Variants in XRCC1 observed in about 807,000 individuals in gnomAD.
XRCC1 encodes DNA repair protein XRCC1.
Under a neutral mutation model 83.3 loss-of-function variants are expected in XRCC1, and 52 were observed. The observed-to-expected ratio is 0.62, with a 90% CI of 0.50 to 0.79. XRCC1 has a LOEUF of 0.79. XRCC1 is among the 30% of genes least tolerant of loss of function. The pLI is 0.00. For synonymous variants in XRCC1, 281 were observed against 312.6 expected, an observed-to-expected ratio of 0.90 and a Z score of 1.07; for missense variants, 793 against 823.5, an observed-to-expected ratio of 0.96 and a Z score of 0.45.
intron 6 of XRCC1, 54 bp from the exon 7 acceptor site, chr19:43,553,145 T>C: frequency 6.6e-7 from 1 of 1,506,146 alleles, no homozygotes; most frequent in South Asian, 1.2e-5. Flanking sequence ...CAAGACCCTT[T>C]CACTCCTATC....
chr19:43,546,041 C>CCCAG lies in XRCC1; in HGVS notation c.1481+7_1481+10dup. 1.9e-6 allele frequency: 3 copies of CCCAG among 1,613,916 alleles called. No homozygotes were observed. Among genetic ancestry groups the CCCAG allele is most frequent in the Non-Finnish European group, 2.5e-6 (3 of 1,179,884 alleles). On this transcript the variant is annotated intron_variant, in intron 13 of 16. Transcript: ENST00000262887. ...GGCCAGGGACACCCCAACCCCCAGC[C>CCCAG]CCAGCCCTACCTCCTCAGCTCATCC...
intron 10 of XRCC1, among the ~76,000 whole-genome samples, chr19:43,548,784 A>AAAAAAC (rs752610644): frequency 1.4e-5 from 2 of 142,184 alleles, no homozygotes; most frequent in African/African-American, 2.7e-5. Context: ...AAAAAAAAAA[A>AAAAAAC]AACACAACAG....
Position 43,570,321 on chromosome 19 carries a change from T to C in XRCC1, c.144+4589A>G, listed in dbSNP as rs373248041. 1.1e-4 allele frequency among the ~76,000 whole-genome samples: 17 copies of C among 152,274 alleles called. No individual in the cohort carries two copies. In the East Asian group the frequency reaches 1.4e-3, roughly 12 times the overall value. ...AGCCCAGGAGTAGTTAGCAAAGAGGTTGGCATTTCCCTCTGGGAGCAGGTG... is the reference window on the plus strand; with the variant it reads ...AGCCCAGGAGTAGTTAGCAAAGAGGCTGGCATTTCCCTCTGGGAGCAGGTG... On this transcript the variant is annotated intron_variant, in intron 2 of 16. Coordinates refer to ENST00000262887, the MANE Select transcript of XRCC1 (RefSeq NM_006297.3).
chr19:43,551,992 C>T (rs371912056), intron 9 of XRCC1, 25 bp downstream of exon 9: 9 of 1,611,038 alleles, frequency 5.6e-6, no homozygotes, highest in African/African-American at 1.3e-5. Context: ...ACTGCAGCGG[C>T]GCAGGGAGGG....
At chr19:43,560,399 C>T (rs1382393483) in intron 3 of XRCC1, among the ~76,000 whole-genome samples, 1 of 99,474 alleles carries the variant, frequency 1.0e-5, no homozygotes, top group Non-Finnish European at 2.1e-5. Context: ...GACTCCGTCT[C>T]AAAAAAAAAA....
chr19:43,565,176 C>T (rs947693977), intron 2 of XRCC1, among the ~76,000 whole-genome samples: 1 of 152,168 alleles, frequency 6.6e-6, no homozygotes, highest in Non-Finnish European at 1.5e-5. Context: ...CCACAGAGCT[C>T]CTTTGGCCAT....
chr19:43,574,908 A>AC lies in XRCC1; in HGVS notation c.144+1dup. On this transcript the variant is annotated splice_donor_variant, in intron 2 of 16. Transcript: ENST00000262887. LOFTEE classifies it high-confidence loss of function. ...GAGGAGGAGGTGGGGTGGCAGGATCACCTGTAGGACCACAGAGATGGTCTT... is the reference window on the plus strand; with the variant it reads ...GAGGAGGAGGTGGGGTGGCAGGATCACCCTGTAGGACCACAGAGATGGTCTT... 4.3e-6 allele frequency: 7 copies of AC among 1,613,308 alleles called. No homozygotes were observed. The highest frequency in any genetic ancestry group is 2.7e-5 in the African/African-American group (2 of 75,030).
intron 7 of XRCC1, 28 bp downstream of exon 7, chr19:43,552,954 C>G (rs1972596738): frequency 3.1e-6 from 5 of 1,608,880 alleles, no homozygotes; most frequent in Non-Finnish European, 4.2e-6. Context: ...CTCTCCTCCT[C>G]CACCCCACCA....
chr19:43,553,636 G>T lies in XRCC1; in HGVS notation c.462C>A (p.Asp154Glu). 3 of 1,574,554 alleles carry T rather than the reference G, an allele frequency of 1.9e-6. No individual in the cohort carries two copies. Among genetic ancestry groups the T allele is most frequent in the Non-Finnish European group, 2.6e-6 (3 of 1,155,188 alleles). ...GGGACGGGGCCTCTGCCTCATCTTT[G>T]TCTGGGGGGCTATGAAACCGTACAA... The part of the protein sequence containing the change: ...LSFVRFHSPP[D>E]KDEAEAPSQK... The change falls in exon 5 of 17, where the codon GAC (aspartate) becomes GAA (glutamate). Residue 154 changes from aspartate (D) to glutamate (E), a missense_variant. Coordinates refer to ENST00000262887, the MANE Select transcript of XRCC1 (RefSeq NM_006297.3).
chr19:43,565,220 G>C (rs1415312548), intron 2 of XRCC1, among the ~76,000 whole-genome samples: 1 of 152,154 alleles, frequency 6.6e-6, no homozygotes, highest in African/African-American at 2.4e-5. Context: ...ATGAGGACAT[G>C]AACATCTTTT....
At chr19:43,569,467 C>A (rs1339107106) in intron 2 of XRCC1, among the ~76,000 whole-genome samples, 1 of 135,328 alleles carries the variant, frequency 7.4e-6, no homozygotes, top group African/African-American at 2.7e-5. Flanking sequence ...CATAGTGAGA[C>A]CCTGTCTCAA....
chr19:43,549,343 C>T (rs1338749372), intron 10 of XRCC1, among the ~76,000 whole-genome samples: 1 of 151,972 alleles, frequency 6.6e-6, no homozygotes, highest in Admixed American at 6.6e-5. Context: ...CACTTCAACC[C>T]CTTCCTCCCA....
At chr19:43,553,845 A>T in intron 4 of XRCC1, 162 bp from the exon 5 acceptor site, 1 of 592,164 alleles carries the variant, frequency 1.7e-6, no homozygotes, top group Non-Finnish European at 3.0e-6. Flanking sequence ...TATAGGATTA[A>T]GCTGTTATGA....
rs553476423 is a variant in XRCC1, at chr19:43,562,269, T to C, written c.145-1249A>G. 3.1e-4 allele frequency among the ~76,000 whole-genome samples: 47 copies of C among 152,078 alleles called. No individual in the cohort carries two copies. The South Asian group carries it at 4.6e-3, about 15-fold the overall frequency. On this transcript the variant is annotated intron_variant, in intron 2 of 16. Coordinates refer to ENST00000262887, the MANE Select transcript of XRCC1 (RefSeq NM_006297.3). The stretch of plus-strand genomic sequence containing the variant: ...CCTGTCAGATCATCTAGACATCACC[T>C]GCACACTGCTATCAACAGGAACACC...
In XRCC1 at chr19:43,552,808, T is replaced by G; in HGVS notation, c.812A>C (p.Lys271Thr). 1 of 1,609,172 alleles carries G rather than the reference T, an allele frequency of 6.2e-7. No homozygotes were observed. Among genetic ancestry groups the G allele is most frequent in the Non-Finnish European group, 8.5e-7 (1 of 1,178,066 alleles). Residue 271 changes from lysine to threonine, a missense_variant, in exon 8 of 17, where the codon AAG (lysine) becomes ACG (threonine). Physicochemically the swap from Lys to Thr is moderately conservative, Grantham distance 78. Coordinates refer to ENST00000262887, the MANE Select transcript of XRCC1 (RefSeq NM_006297.3). Reference sequence around the variant, plus strand: ...TCTAGTTAGCTCACATTTAGGTCTCTTGGGAACAGATGGCGACAGCTGGGC... The same window carrying G: ...TCTAGTTAGCTCACATTTAGGTCTCGTGGGAACAGATGGCGACAGCTGGGC... ...PPAQLSPSVP[K>T]RPKLPAPTRT... is the part of the protein sequence containing the mutation.
intron 10 of XRCC1, among the ~76,000 whole-genome samples, chr19:43,549,174 T>C (rs1022674869): frequency 2.0e-5 from 3 of 152,116 alleles, no homozygotes; most frequent in Admixed American, 6.6e-5. Context: ...AAGTGCTCTA[T>C]TCAAAGATTA....
chr19:43,544,860 G>A (rs962869289), intron 14 of XRCC1, among the ~76,000 whole-genome samples: 2 of 151,808 alleles, frequency 1.3e-5, no homozygotes, highest in African/African-American at 4.8e-5. Context: ...GTCTCACTAT[G>A]TTGCCCAGGC....
chr19:43,573,205 T>C (rs1432845946), intron 2 of XRCC1, among the ~76,000 whole-genome samples: 2 of 152,074 alleles, frequency 1.3e-5, no homozygotes, highest in African/African-American at 4.8e-5. Context: ...ACATGAAAAC[T>C]GAGACTTATA....
At chr19:43,571,556 C>T (rs903642511) in intron 2 of XRCC1, among the ~76,000 whole-genome samples, 3 of 152,200 alleles carry the variant, frequency 2.0e-5, no homozygotes, top group African/African-American at 7.2e-5. Context: ...CAGGCTGGAG[C>T]GCAATGGTGC....
Sources: allele counts gnomAD v4.1 joint callset (sites outside exome capture counted in the v4.1 genomes callset), GRCh38; gene constraint gnomAD v4.1.1; transcripts MANE v1.5; gene names NCBI Gene and HGNC (gene_info 2026-07-23, HGNC 2026-07-21).